Variants in ABL2 observed in about 807,000 individuals in gnomAD.
ABL2 encodes tyrosine-protein kinase ABL2.
Under a neutral mutation model 107.7 loss-of-function variants are expected in ABL2, and 49 were observed. The observed-to-expected ratio is 0.45, with a 90% confidence interval of 0.36 to 0.58. The LOEUF (loss-of-function observed/expected upper bound fraction) is 0.58, where lower values mean the gene tolerates loss of function less well. Among genes scored for constraint, ABL2 ranks in the 20% least tolerant of loss-of-function variants. The pLI is 0.00. For missense variants in ABL2, 1,245 were observed against 1,457.0 expected (o/e 0.85, Z 2.37); for synonymous variants, 549 against 548.6 (o/e 1.00, Z -0.01).
Position 179,178,401 on chromosome 1 carries a change from C to CAAA in ABL2, c.158-45030_158-45028dup, listed in dbSNP as rs572438530. Among the ~76,000 whole-genome samples, 26 of 68,644 alleles carry CAAA rather than the reference C, an allele frequency of 3.8e-4. 2 individuals are homozygous for CAAA. The highest frequency in any genetic ancestry group is 1.4e-3 in the Admixed American group (7 of 4,978). The allele number at this position is 68,644 out of a possible 152,430, so 45.0% of individuals were successfully genotyped here. ...TGGGTGACAGAGCAAGACTCTGCCT[C>CAAA]AAAAAAAAAAAAAAAAAAATTATTT... On this transcript the variant is annotated intron_variant, in intron 1 of 11. Transcript: ENST00000502732.
At chr1:179,218,907 T>G (rs1662725616) in intron 1 of ABL2, among the ~76,000 whole-genome samples, 1 of 152,218 alleles carries the variant, frequency 6.6e-6, no homozygotes, top group South Asian at 2.1e-4. Context: ...TGATTTGAAG[T>G]AGCTACATAT....
At chr1:179,195,847 C>T (rs1661279304) in intron 1 of ABL2, among the ~76,000 whole-genome samples, 1 of 152,046 alleles carries the variant, frequency 6.6e-6, no homozygotes, top group Non-Finnish European at 1.5e-5. Context: ...CTCATAAAGG[C>T]AGAAAGTAAA....
In ABL2 at chr1:179,099,570, G is replaced by T. The variant is rs1419088252; in HGVS notation, c.*8148C>A. The T allele has an allele frequency of 4.4e-6, 1 of 229,168 alleles. No homozygotes were observed. Among genetic ancestry groups the T allele is most frequent in the Non-Finnish European group, 8.6e-6 (1 of 115,626 alleles). The allele number at this position is 229,168 out of a possible 1,614,324, so 14.2% of individuals were successfully genotyped here. On this transcript the variant is annotated 3_prime_UTR_variant, in exon 12 of 12. Transcript: ENST00000502732. Reference sequence around the variant, plus strand: ...AACACTGGTAATGTGACACACAATTGATGTGTTTTTAGTTAAATCCCACAT... The same window carrying T: ...AACACTGGTAATGTGACACACAATTTATGTGTTTTTAGTTAAATCCCACAT...
chr1:179,112,025 A>G (rs1295096839), intron 10 of ABL2, among the ~76,000 whole-genome samples: 2 of 152,048 alleles, frequency 1.3e-5, no homozygotes, highest in Admixed American at 1.3e-4. Flanking sequence ...AGCCTGGGTG[A>G]TAGAGTGAGA....
chr1:179,108,371 C>G lies in ABL2; in HGVS notation c.2896G>C (p.Val966Leu). Reference sequence around the variant, plus strand: ...CGGTCCTTGTCTCCAGAGGATGTGACCTGATGCTCAGATAAGAGCTTGAAT... The same window carrying G: ...CGGTCCTTGTCTCCAGAGGATGTGAGCTGATGCTCAGATAAGAGCTTGAAT... ...NKFKLLSEHQ[V>L]TSSGDKDRPR... The change falls in exon 12 of 12, where the codon GTC becomes CTC. Residue 966 changes from valine to leucine, a missense_variant. Physicochemically the swap from Val to Leu is conservative, Grantham distance 32 (BLOSUM62 1). This residue lies in a region of ABL2 where 761 missense variants were observed against 766.4 expected (regional missense o/e 0.99). Coordinates refer to ENST00000502732, the MANE Select transcript of ABL2 (RefSeq NM_007314.4). The G allele has an allele frequency of 6.2e-7, 1 of 1,614,226 alleles. No individual in the cohort carries two copies.
At chr1:179,187,752 A>T (rs1660756663) in intron 1 of ABL2, among the ~76,000 whole-genome samples, 1 of 152,154 alleles carries the variant, frequency 6.6e-6, no homozygotes, top group Non-Finnish European at 1.5e-5. Context: ...ATACTAACTA[A>T]ATTTGATAAA....
chr1:179,121,995 G>A (rs1398296035), intron 4 of ABL2, 128 bp from the exon 5 acceptor site: 11 of 908,948 alleles, frequency 1.2e-5, no homozygotes, highest in South Asian at 7.5e-5. Context: ...GCGCGATCTC[G>A]GCTCACTGCA....
intron 1 of ABL2, among the ~76,000 whole-genome samples, chr1:179,193,324 T>C (rs1661123433): frequency 6.6e-6 from 1 of 152,068 alleles, no homozygotes; most frequent in South Asian, 2.1e-4. Context: ...GTGAATATTA[T>C]TGTCAAATCA....
chr1:179,141,323 C>T (rs1657571413), intron 1 of ABL2, among the ~76,000 whole-genome samples: 3 of 151,774 alleles, frequency 2.0e-5, no homozygotes, highest in Admixed American at 2.0e-4. Flanking sequence ...AATAGGAATT[C>T]TGCACTGATG....
Position 179,126,725 on chromosome 1 carries a change from A to T in ABL2, c.392-53T>A. Reference sequence around the variant, plus strand: ...AGAAACGATGTTAAGACTTTATTTCAACTGAAGCAGTGTACTGTCAAACTT... The same window carrying T: ...AGAAACGATGTTAAGACTTTATTTCTACTGAAGCAGTGTACTGTCAAACTT... On this transcript the variant is annotated intron_variant, in intron 3 of 11. Transcript: ENST00000502732. The surrounding 1 kb of genome is among the most constrained non-coding windows in gnomAD (Gnocchi z 4.4). 1 of 1,517,076 alleles carries T rather than the reference A, an allele frequency of 6.6e-7. No individual in the cohort carries two copies. 94.0% of individuals were successfully genotyped at this position (1,517,076 alleles called of 1,614,324 possible).
chr1:179,170,352 T>C lies in ABL2; in HGVS notation c.158-36978A>G, dbSNP rs371918799. 8.5e-5 allele frequency among the ~76,000 whole-genome samples: 13 copies of C among 152,256 alleles called. No homozygotes were observed. In the East Asian group the frequency reaches 1.7e-3, roughly 20 times the overall value. On this transcript the variant is annotated intron_variant, in intron 1 of 11. Coordinates refer to ENST00000502732, the MANE Select transcript of ABL2 (RefSeq NM_007314.4). ...TCCAACATGCAAGCTTTGGGGGACATAATCAAACTATGGCAACCTGGTAAC... is the reference window on the plus strand; with the variant it reads ...TCCAACATGCAAGCTTTGGGGGACACAATCAAACTATGGCAACCTGGTAAC...
Position 179,229,632 on chromosome 1 carries a change from A to ACGCCGCCGCCGCCGCCGCCGCCGC in ABL2, c.-236_-235insGCGGCGGCGGCGGCGGCGGCGGCG, listed in dbSNP as rs3046363. On this transcript the variant is annotated 5_prime_UTR_variant, in exon 1 of 12. Coordinates refer to ENST00000502732, the MANE Select transcript of ABL2 (RefSeq NM_007314.4). ...CTCCTGTCGCGGCTCCGCGCCCCCA[A>ACGCCGCCGCCGCCGCCGCCGCCGC]CGCCGCCGCCGCCGCCGCCGCCACC... 1.7e-4 allele frequency: 79 copies of ACGCCGCCGCCGCCGCCGCCGCCGC among 451,816 alleles called. 1 individual carries two copies. Among genetic ancestry groups the ACGCCGCCGCCGCCGCCGCCGCCGC allele is most frequent in the African/African-American group, 1.3e-3 (61 of 45,602 alleles). 28.0% of individuals were successfully genotyped at this position (451,816 alleles called of 1,614,324 possible).
Position 179,178,420 on chromosome 1 carries a change from AT to A in ABL2, c.158-45047del, listed in dbSNP as rs1234383431. Among the ~76,000 whole-genome samples, 391 of 150,744 alleles carry A rather than the reference AT, an allele frequency of 2.6e-3. 1 individual carries two copies. The highest frequency in any genetic ancestry group is 9.2e-3 in the African/African-American group (379 of 41,100). On this transcript the variant is annotated intron_variant, in intron 1 of 11. Coordinates refer to ENST00000502732, the MANE Select transcript of ABL2 (RefSeq NM_007314.4). ...CTGCCTCAAAAAAAAAAAAAAAAAA[AT>A]TATTTGTGTAAGAAATCTTTAGAGT...
chr1:179,176,018 G>T (rs1660024652), intron 1 of ABL2, among the ~76,000 whole-genome samples: 1 of 151,910 alleles, frequency 6.6e-6, no homozygotes, highest in Non-Finnish European at 1.5e-5. Context: ...ACCACGCCCG[G>T]CTAATTTTTG....
At chr1:179,219,316 T>TA (rs1199824899) in intron 1 of ABL2, among the ~76,000 whole-genome samples, 1 of 152,026 alleles carries the variant, frequency 6.6e-6, no homozygotes, top group East Asian at 1.9e-4. Flanking sequence ...AGTGCTGGGA[T>TA]TACAGACGTG....
intron 1 of ABL2, chr1:179,184,009 A>T: frequency 3.7e-6 from 1 of 267,630 alleles, no homozygotes; most frequent in South Asian, 4.9e-5. Context: ...TGAAATAGAC[A>T]GGCTTAATGA....
At chr1:179,216,658 G>A (rs1378949847) in intron 1 of ABL2, among the ~76,000 whole-genome samples, 1 of 151,928 alleles carries the variant, frequency 6.6e-6, no homozygotes, top group Non-Finnish European at 1.5e-5. Flanking sequence ...TGGGGGAAAA[G>A]GTCTTTATAA....
chr1:179,190,445 C>T (rs932346646), intron 1 of ABL2, among the ~76,000 whole-genome samples: 10 of 152,188 alleles, frequency 6.6e-5, no homozygotes, highest in Non-Finnish European at 1.5e-4. Context: ...CAGGAACTTC[C>T]ATGTGTTCAG....
At chr1:179,141,263 T>C (rs957915907) in intron 1 of ABL2, among the ~76,000 whole-genome samples, 2 of 151,380 alleles carry the variant, frequency 1.3e-5, no homozygotes, top group South Asian at 4.2e-4. Flanking sequence ...TGTACTCCAA[T>C]CTAGACAATA....
Sources: allele counts gnomAD v4.1 joint callset (sites outside exome capture counted in the v4.1 genomes callset), GRCh38; gene constraint gnomAD v4.1.1; regional missense constraint gnomAD v4.1.1; non-coding constraint Gnocchi (gnomAD v3.1); transcripts MANE v1.5; gene names NCBI Gene and HGNC (gene_info 2026-07-23, HGNC 2026-07-21).